The following STXBP4 variants were observed in gnomAD, a reference collection of about 807,000 sequenced individuals.
STXBP4 encodes the protein syntaxin binding protein 4, also known as syntaxin-binding protein 4.
In STXBP4, 55 loss-of-function variants were observed where a neutral mutation model predicts 76.1. The ratio of observed to expected loss-of-function variants is 0.72; its 90% CI spans 0.58 to 0.91. The LOEUF is 0.91. STXBP4 is among the 40% of genes least tolerant of loss of function. STXBP4 has a pLI of 0.00. For missense variants in STXBP4, 618 were observed against 636.9 expected, an observed-to-expected ratio of 0.97 and a Z score of 0.32; for synonymous variants, 201 against 220.2, an observed-to-expected ratio of 0.91 and a Z score of 0.77.
chr17:55,157,960 C>T (rs1188723072), intron 17 of STXBP4, among the ~76,000 whole-genome samples: 1 of 152,140 alleles, frequency 6.6e-6, no homozygotes, highest in Non-Finnish European at 1.5e-5. Context: ...ACTCATAGAG[C>T]ACATTAGCAT....
chr17:55,084,494 C>T (rs2079298489), intron 16 of STXBP4, among the ~76,000 whole-genome samples: 1 of 151,498 alleles, frequency 6.6e-6, no homozygotes, highest in Non-Finnish European at 1.5e-5. Context: ...AATTAGATCC[C>T]ATTTGTCAAT....
chr17:55,046,983 T>C (rs1312159076), intron 11 of STXBP4, 106 bp from the exon 12 acceptor site: 1 of 601,138 alleles, frequency 1.7e-6, no homozygotes, highest in Admixed American at 3.2e-5. Flanking sequence ...TTTCAGATTG[T>C]AGCAATTTGA....
intron 16 of STXBP4, among the ~76,000 whole-genome samples, chr17:55,130,830 A>T (rs1231790271): frequency 6.6e-6 from 1 of 152,180 alleles, no homozygotes; most frequent in Non-Finnish European, 1.5e-5. Flanking sequence ...AGATTCACCC[A>T]TGTTGTCCCA....
At chr17:55,135,154 A>G (rs1191694996) in intron 16 of STXBP4, among the ~76,000 whole-genome samples, 1 of 152,190 alleles carries the variant, frequency 6.6e-6, no homozygotes, top group African/African-American at 2.4e-5. Flanking sequence ...GCAAAAAGAA[A>G]TAGTGACTGA....
chr17:55,157,886 A>C (rs1240724540), intron 17 of STXBP4, among the ~76,000 whole-genome samples: 1 of 152,188 alleles, frequency 6.6e-6, no homozygotes, highest in Non-Finnish European at 1.5e-5. Flanking sequence ...TGTTCTATGG[A>C]ACACTGGCCC....
At chr17:55,054,838 G>A (rs2078904767) in intron 12 of STXBP4, among the ~76,000 whole-genome samples, 1 of 152,084 alleles carries the variant, frequency 6.6e-6, no homozygotes, top group South Asian at 2.1e-4. Flanking sequence ...AATTTTAACT[G>A]AGGGCATAAG....
At chr17:55,146,143 A>T (rs572364496) in intron 17 of STXBP4, among the ~76,000 whole-genome samples, 3 of 152,304 alleles carry the variant, frequency 2.0e-5, no homozygotes, top group Non-Finnish European at 4.4e-5. Flanking sequence ...AGTAAAACTG[A>T]ATTTATGACA....
rs573758939 is a variant in STXBP4, at chr17:55,110,886, T to C, written c.1489+29703T>C. On this transcript the variant is annotated intron_variant, in intron 16 of 17. Transcript: ENST00000376352. ...CTGTCTTAAATACATAGCAAAATGT[T>C]CTGGAGATTGTTTTTAGTAGACAGT... 3.9e-5 allele frequency among the ~76,000 whole-genome samples: 6 copies of C among 152,324 alleles called. No homozygotes were observed. The South Asian group carries it at 1.2e-3, about 32-fold the overall frequency.
intron 10 of STXBP4, among the ~76,000 whole-genome samples, chr17:55,039,842 A>G (rs573884382): frequency 3.3e-5 from 5 of 152,206 alleles, no homozygotes; most frequent in African/African-American, 1.2e-4. Context: ...TTTTCAAAGT[A>G]GAGACCATGA....
At chr17:55,123,181 T>G (rs2079865454) in intron 16 of STXBP4, among the ~76,000 whole-genome samples, 1 of 152,186 alleles carries the variant, frequency 6.6e-6, no homozygotes, top group Non-Finnish European at 1.5e-5. Context: ...CTTGCCAAAG[T>G]ACTTTTCATA....
At chr17:55,192,837 A>AG in the STXBP4 span, among the ~76,000 whole-genome samples, 1 of 152,192 alleles carries the variant, frequency 6.6e-6, no homozygotes, top group Non-Finnish European at 1.5e-5. Context: ...GAACAGACAC[A>AG]GACACTCAAA....
intron 16 of STXBP4, among the ~76,000 whole-genome samples, chr17:55,114,333 A>T (rs1185335668): frequency 1.3e-5 from 2 of 152,086 alleles, no homozygotes; most frequent in Non-Finnish European, 2.9e-5. Flanking sequence ...GCATTGCAGT[A>T]TGCCCTCATA....
intron 12 of STXBP4, among the ~76,000 whole-genome samples, chr17:55,068,468 T>G (rs2079080212): frequency 6.6e-6 from 1 of 152,166 alleles, no homozygotes; most frequent in South Asian, 2.1e-4. Context: ...AGCCATTCAT[T>G]ACAACTCATA....
rs571463211 is a variant in STXBP4 at position 54,999,599 on chromosome 17, C to A, written c.288-33C>A. On this transcript the variant is annotated intron_variant, in intron 5 of 17. Coordinates refer to ENST00000376352, the MANE Select transcript of STXBP4 (RefSeq NM_178509.6). ...GATTTCAGTTGTACTATATTCATAG[C>A]ATATCCATAAAGTGATTTCTTTTTA... 2.5e-4 allele frequency: 387 copies of A among 1,570,100 alleles called. 9 individuals are homozygous for A. The South Asian group carries it at 4.2e-3, about 17-fold the overall frequency.
At chr17:55,065,987 G>A (rs192240253) in intron 12 of STXBP4, among the ~76,000 whole-genome samples, 7 of 152,226 alleles carry the variant, frequency 4.6e-5, no homozygotes, top group Admixed American at 3.3e-4. Flanking sequence ...TTTGCAAAAT[G>A]AGCATGGATT....
chr17:54,990,719 G>A (rs991533476), intron 3 of STXBP4, 106 bp from the exon 4 acceptor site: 2 of 1,341,024 alleles, frequency 1.5e-6, no homozygotes. Context: ...AAAAGGTGAG[G>A]GGTTGCTGCT....
At chr17:55,107,109 T>A (rs2079644881) in intron 16 of STXBP4, among the ~76,000 whole-genome samples, 2 of 152,206 alleles carry the variant, frequency 1.3e-5, no homozygotes, top group South Asian at 4.1e-4. Flanking sequence ...CATAGTCCCA[T>A]ATTTCTTGGA....
chr17:54,972,772 T>G (rs6504949), intron 1 of STXBP4, among the ~76,000 whole-genome samples: 42,681 of 152,084 alleles, frequency 0.28, 6,251 homozygotes, highest in African/African-American at 0.35. Context: ...TAGAAAATTT[T>G]TGTGTATAAA....
At chr17:55,129,926 A>G (rs2079956689) in intron 16 of STXBP4, among the ~76,000 whole-genome samples, 1 of 152,166 alleles carries the variant, frequency 6.6e-6, no homozygotes, top group Admixed American at 6.5e-5. Flanking sequence ...GGTGGGCCTG[A>G]CCTACATGAG....
Sources: allele counts gnomAD v4.1 joint callset (sites outside exome capture counted in the v4.1 genomes callset), GRCh38; gene constraint gnomAD v4.1.1; transcripts MANE v1.5; gene names NCBI Gene and HGNC (gene_info 2026-07-23, HGNC 2026-07-21).